UBQLN4: variants seen among roughly 807,000 people sequenced by gnomAD.
UBQLN4 encodes the protein ubiquilin-4.
A neutral mutation model predicts 60.4 loss-of-function variants in UBQLN4; 11 were observed. The observed-to-expected ratio is 0.18, with a 90% CI of 0.11 to 0.30. The LOEUF (loss-of-function observed/expected upper bound fraction) is 0.30. UBQLN4 is among the 10% of genes least tolerant of loss of function. The pLI is 1.00. For missense variants in UBQLN4, 417 were observed against 795.5 expected (o/e 0.52, Z 5.72); for synonymous variants, 258 against 313.1 (o/e 0.82, Z 1.86).
intron 5 of UBQLN4, among the ~76,000 whole-genome samples, chr1:156,046,678 T>TA (rs925423322): frequency 6.6e-6 from 1 of 151,572 alleles, no homozygotes; most frequent in African/African-American, 2.4e-5. Context: ...CTGTGTCTGC[T>TA]AAAAAATACA....
chr1:156,035,182 A>T, downstream of UBQLN4: 1 of 888,626 alleles, frequency 1.1e-6, no homozygotes, highest in Non-Finnish European at 1.3e-6. Flanking sequence ...AATATTTCTT[A>T]ACATCTGTAG....
At chr1:156,044,974 G>A (rs1326848412) in intron 5 of UBQLN4, among the ~76,000 whole-genome samples, 1 of 152,068 alleles carries the variant, frequency 6.6e-6, no homozygotes, top group Non-Finnish European at 1.5e-5. Flanking sequence ...TGCTCCCCAG[G>A]ATATCTCAGG....
chr1:156,039,488 G>T, intron 10 of UBQLN4, among the ~76,000 whole-genome samples: 1 of 150,948 alleles, frequency 6.6e-6, no homozygotes, highest in Non-Finnish European at 1.5e-5. Context: ...GACCTCAGGT[G>T]ATCTGCCTGC....
At chr1:156,038,980 C>T (rs1262967024) in intron 10 of UBQLN4, among the ~76,000 whole-genome samples, 9 of 151,994 alleles carry the variant, frequency 5.9e-5, no homozygotes, top group African/African-American at 1.7e-4. Flanking sequence ...TTAGTAGAGA[C>T]GTGGTTTCAC....
chr1:156,040,043 G>A (rs944348119), intron 10 of UBQLN4, among the ~76,000 whole-genome samples: 1 of 151,682 alleles, frequency 6.6e-6, no homozygotes, highest in African/African-American at 2.4e-5. Flanking sequence ...GAAAAGACAG[G>A]ACTTGCCTGG....
downstream of UBQLN4, among the ~76,000 whole-genome samples, chr1:156,034,813 T>C (rs1304804585): frequency 1.8e-5 from 2 of 113,098 alleles, no homozygotes; most frequent in African/African-American, 6.5e-5. Flanking sequence ...TCATCAGTTA[T>C]CCCTTAACCT....
In UBQLN4 at chr1:156,043,958, C is replaced by T. The variant is rs1365162737; in HGVS notation, c.1126+40G>A. Reference sequence around the variant, plus strand: ...TTCAGTCCTGGGACAGAGGGGCTGCCCTGGTGACCCCACTAAGCTCCTTCC... The same window carrying T: ...TTCAGTCCTGGGACAGAGGGGCTGCTCTGGTGACCCCACTAAGCTCCTTCC... On this transcript the variant is annotated intron_variant, in intron 6 of 10. Coordinates refer to ENST00000368309, the MANE Select transcript of UBQLN4 (RefSeq NM_020131.5). The T allele has an allele frequency of 1.9e-6, 3 of 1,602,292 alleles. No individual in the cohort carries two copies. The South Asian group carries it at 3.3e-5, about 18-fold the overall frequency.
chr1:156,051,021 G>A lies in UBQLN4; in HGVS notation c.478+89C>T. 6.1e-6 allele frequency: 8 copies of A among 1,311,356 alleles called. No homozygotes were observed. In the South Asian group the frequency reaches 1.0e-4, roughly 17 times the overall value. The allele number at this position is 1,311,356 out of a possible 1,614,324, so 81.2% of individuals were successfully genotyped here. On this transcript the variant is annotated intron_variant, in intron 3 of 10. Coordinates refer to ENST00000368309, the MANE Select transcript of UBQLN4 (RefSeq NM_020131.5). ...GGGGTCCCCTATCCCCATCAGACCA[G>A]GAGCAGGAACTCCTGTTTCTCCCTC...
chr1:156,046,624 C>T lies in UBQLN4; in HGVS notation c.900+1877G>A, dbSNP rs576422794. Among the ~76,000 whole-genome samples, 13 of 149,060 alleles carry T rather than the reference C, an allele frequency of 8.7e-5. No homozygotes were observed. In the East Asian group the frequency reaches 2.4e-3, roughly 28 times the overall value. On this transcript the variant is annotated intron_variant, in intron 5 of 10. Coordinates refer to ENST00000368309, the MANE Select transcript of UBQLN4 (RefSeq NM_020131.5). The stretch of plus-strand genomic sequence containing the variant: ...TTGGGAGGCCGAGGCAGGCAGATGA[C>T]AAGGTCAGGAGTTCGAGACCAGCCT...
At chr1:156,051,636 G>T (rs1683873716) in intron 2 of UBQLN4, 70 bp downstream of exon 2, 1 of 1,601,694 alleles carries the variant, frequency 6.2e-7, no homozygotes, top group African/African-American at 1.3e-5. Context: ...GTACAGTTAA[G>T]CAATGAGTGA....
chr1:156,036,110 A>C lies in UBQLN4; in HGVS notation c.*868T>G. On this transcript the variant is annotated 3_prime_UTR_variant, in exon 11 of 11. Transcript: ENST00000368309. The stretch of plus-strand genomic sequence containing the variant: ...CTTGTGGGGCGTGGCGCTTAGCTTC[A>C]TTGGGCTCCTTTTTTCAGTTTAAAT... 1.0e-6 allele frequency: 1 copy of C among 985,592 alleles called. No individual in the cohort carries two copies. The highest frequency in any genetic ancestry group is 1.2e-6 in the Non-Finnish European group (1 of 829,940). The allele number at this position is 985,592 out of a possible 1,614,324, so 61.1% of individuals were successfully genotyped here.
chr1:156,052,461 G>C (rs1024762881), intron 1 of UBQLN4, among the ~76,000 whole-genome samples: 14 of 152,094 alleles, frequency 9.2e-5, no homozygotes, highest in Non-Finnish European at 1.6e-4. Context: ...CGAGTGTCTG[G>C]GACTACAGGC....
chr1:156,031,908 A>G (rs369798325), downstream of UBQLN4, among the ~76,000 whole-genome samples: 2 of 152,086 alleles, frequency 1.3e-5, no homozygotes, highest in African/African-American at 4.8e-5. Flanking sequence ...GTACAATTTG[A>G]TAAGTTTTGA....
intron 6 of UBQLN4, 146 bp downstream of exon 6, chr1:156,043,852 C>G: frequency 1.1e-6 from 1 of 880,956 alleles, no homozygotes; most frequent in Non-Finnish European, 1.8e-6. Flanking sequence ...CACCCGGCCA[C>G]TATCCCAGAC....
At chr1:156,039,639 CA>C (rs1351997486) in intron 10 of UBQLN4, among the ~76,000 whole-genome samples, 1 of 151,966 alleles carries the variant, frequency 6.6e-6, no homozygotes, top group Non-Finnish European at 1.5e-5. Context: ...TGATTATGAA[CA>C]AAAGACTCTT....
At chr1:156,037,260 G>T in intron 10 of UBQLN4, 130 bp from the exon 11 acceptor site, 1 of 1,187,144 alleles carries the variant, frequency 8.4e-7, no homozygotes, top group Non-Finnish European at 1.2e-6. Flanking sequence ...GGGAAGATGA[G>T]CTGCAAATGG....
At chr1:156,034,335 C>T (rs934973313), downstream of UBQLN4, among the ~76,000 whole-genome samples, 3 of 126,320 alleles carry the variant, frequency 2.4e-5, no homozygotes, top group Non-Finnish European at 4.7e-5. Flanking sequence ...CTTGCTCTGT[C>T]GCCCCCAGGC....
rs1683415123 is a variant in UBQLN4 at position 156,036,848 on chromosome 1, G to C, written c.*130C>G. On this transcript the variant is annotated 3_prime_UTR_variant, in exon 11 of 11. Coordinates refer to ENST00000368309, the MANE Select transcript of UBQLN4 (RefSeq NM_020131.5). Reference sequence around the variant, plus strand: ...AGGGGTTGGAGCCCATGCCTCTAAAGTCACCCTGCTGTTTGGAAAGGATGA... The same window carrying C: ...AGGGGTTGGAGCCCATGCCTCTAAACTCACCCTGCTGTTTGGAAAGGATGA... 1.3e-6 allele frequency: 2 copies of C among 1,518,226 alleles called. No homozygotes were observed. The highest frequency in any genetic ancestry group is 4.5e-5 in the East Asian group (2 of 44,026). 94.0% of individuals were successfully genotyped at this position (1,518,226 alleles called of 1,614,324 possible).
At position 156,035,865 on chromosome 1, in the gene UBQLN4, A is replaced by C. The variant is rs1445504491; in HGVS notation, c.*1113T>G. 1 of 985,280 alleles carries C rather than the reference A, an allele frequency of 1.0e-6. No homozygotes were observed. Among genetic ancestry groups the C allele is most frequent in the Non-Finnish European group, 1.2e-6 (1 of 829,886 alleles). 61.0% of individuals were successfully genotyped at this position (985,280 alleles called of 1,614,324 possible). A position where few individuals can be genotyped will look rare whatever the true frequency, so the allele number is the denominator to read the frequency against. On this transcript the variant is annotated 3_prime_UTR_variant, in exon 11 of 11. Transcript: ENST00000368309. ...GGGAGAGCACTCTGAACCAGAAACC[A>C]ACAAGGAATCCACTTCCCACCCAAC... is the stretch of plus-strand genomic sequence containing the variant.
Sources: gnomAD v4.1 joint callset for allele counts (sites outside exome capture counted in the v4.1 genomes callset) on GRCh38, gnomAD v4.1.1 for gene constraint, MANE v1.5 for transcripts, NCBI Gene and HGNC (gene_info 2026-07-23, HGNC 2026-07-21) for gene names.